NEGR1: variants seen among roughly 807,000 people sequenced by gnomAD.
The protein encoded by NEGR1 is neuronal growth regulator 1.
In NEGR1, 10 loss-of-function variants were observed where a neutral mutation model predicts 40.9. That is an observed-to-expected ratio of 0.24 (90% CI 0.15 to 0.42). NEGR1 has a LOEUF of 0.42. NEGR1 is among the 10% of genes least tolerant of loss of function. NEGR1 has a pLI of 1.00. For missense variants in NEGR1, 352 were observed against 438.9 expected (o/e 0.80, Z 1.77); for synonymous variants, 185 against 166.8 (o/e 1.11, Z -0.84).
chr1:72,134,720 A>T (rs148489843), intron 1 of NEGR1, among the ~76,000 whole-genome samples: 248 of 150,690 alleles, frequency 1.6e-3, no homozygotes, highest in East Asian at 5.4e-3. Context: ...AAAGATATTT[A>T]ATTTATTTAT....
chr1:72,118,653 G>T (rs1451565246), intron 1 of NEGR1, among the ~76,000 whole-genome samples: 1 of 151,782 alleles, frequency 6.6e-6, no homozygotes, highest in Non-Finnish European at 1.5e-5. Flanking sequence ...CCCAGAGTCT[G>T]ATTCTCTGGC....
In NEGR1 at chr1:71,943,064, G is replaced by A. The variant is rs59760054; in HGVS notation, c.177-7753C>T. ...TATATATGTGTATATATATGTGTGT[G>A]TATATATATGTGTATATATATACAC... On this transcript the variant is annotated intron_variant, in intron 1 of 6. Coordinates refer to ENST00000357731, the MANE Select transcript of NEGR1 (RefSeq NM_173808.3). Among the ~76,000 whole-genome samples, 13 of 128,012 alleles carry A rather than the reference G, an allele frequency of 1.0e-4. No individual in the cohort carries two copies. In the South Asian group the frequency reaches 1.2e-3, roughly 11 times the overall value. 84.0% of individuals were successfully genotyped at this position (128,012 alleles called of 152,430 possible).
At chr1:71,835,793 C>T (rs1180307673) in intron 2 of NEGR1, among the ~76,000 whole-genome samples, 1 of 152,032 alleles carries the variant, frequency 6.6e-6, no homozygotes. Context: ...AACTATGTGA[C>T]TTTGTGCTAG....
In NEGR1 at chr1:71,806,985, C is replaced by T. The variant is rs144601968; in HGVS notation, c.410-30688G>A. Among the ~76,000 whole-genome samples the T allele has an allele frequency of 2.4e-3, 365 of 151,372 alleles. 1 individual carries two copies. The highest frequency in any genetic ancestry group is 5.9e-3 in the African/African-American group (242 of 41,200). On this transcript the variant is annotated intron_variant, in intron 2 of 6. Coordinates refer to ENST00000357731, the MANE Select transcript of NEGR1 (RefSeq NM_173808.3). ...TCCGCTTACCGCAAGCTCCACCTTC[C>T]GGGTTCACACCATTCTCCTGCCTCA...
intron 1 of NEGR1, among the ~76,000 whole-genome samples, chr1:72,134,754 T>C (rs1350583819): frequency 6.6e-6 from 1 of 151,600 alleles, no homozygotes. Context: ...ATTTATTTTT[T>C]GAGATGGAGT....
At chr1:71,541,475 C>A (rs1647701506) in intron 6 of NEGR1, among the ~76,000 whole-genome samples, 1 of 151,714 alleles carries the variant, frequency 6.6e-6, no homozygotes, top group Non-Finnish European at 1.5e-5. Context: ...ATTGGCTTTA[C>A]ATTTTGGGGA....
At chr1:71,773,464 T>C (rs977088881) in intron 3 of NEGR1, among the ~76,000 whole-genome samples, 4 of 152,218 alleles carry the variant, frequency 2.6e-5, no homozygotes, top group Admixed American at 6.5e-5. Flanking sequence ...AAAATATTGA[T>C]ATTTCTTAGG....
chr1:72,173,822 C>T (rs1002068280), intron 1 of NEGR1, among the ~76,000 whole-genome samples: 1 of 151,950 alleles, frequency 6.6e-6, no homozygotes, highest in African/African-American at 2.4e-5. Flanking sequence ...AGGCACCTGT[C>T]ATCCCAGCTA....
intron 2 of NEGR1, among the ~76,000 whole-genome samples, chr1:71,905,779 C>T (rs1238249028): frequency 6.7e-6 from 1 of 149,818 alleles, no homozygotes; most frequent in Non-Finnish European, 1.5e-5. Context: ...AGAGGTTTAA[C>T]ACATTATTCC....
At chr1:72,139,228 C>T (rs1650580839) in intron 1 of NEGR1, among the ~76,000 whole-genome samples, 1 of 149,086 alleles carries the variant, frequency 6.7e-6, no homozygotes, top group South Asian at 2.1e-4. Context: ...ATGACTTCAA[C>T]CTCCCCCTTA....
At chr1:71,855,307 T>A (rs147642196) in intron 2 of NEGR1, among the ~76,000 whole-genome samples, 18 of 152,250 alleles carry the variant, frequency 1.2e-4, no homozygotes, top group African/African-American at 4.3e-4. Flanking sequence ...AACTTCATTT[T>A]TTTTCACCAG....
At chr1:71,822,077 A>G (rs1658449585) in intron 2 of NEGR1, among the ~76,000 whole-genome samples, 1 of 151,954 alleles carries the variant, frequency 6.6e-6, no homozygotes, top group Admixed American at 6.6e-5. Context: ...CTATAGACTT[A>G]TACTGTATGC....
At chr1:71,837,220 C>A (rs777271645) in intron 2 of NEGR1, among the ~76,000 whole-genome samples, 24 of 152,064 alleles carry the variant, frequency 1.6e-4, no homozygotes, top group Non-Finnish European at 1.3e-4. Context: ...GAAATTATGA[C>A]TATCATTTCC....
At chr1:72,154,150 T>A in intron 1 of NEGR1, among the ~76,000 whole-genome samples, 1 of 151,772 alleles carries the variant, frequency 6.6e-6, no homozygotes, top group East Asian at 1.9e-4. Context: ...GTGTTTACTT[T>A]TGGCAAGAGA....
At chr1:71,421,053 A>C (rs756429866) in intron 6 of NEGR1, among the ~76,000 whole-genome samples, 1 of 152,040 alleles carries the variant, frequency 6.6e-6, no homozygotes, top group Admixed American at 6.6e-5. Context: ...CTTTCTTCAC[A>C]TCTTTCATAA....
intron 2 of NEGR1, among the ~76,000 whole-genome samples, chr1:71,929,284 G>A (rs1344795593): frequency 1.3e-5 from 2 of 152,068 alleles, no homozygotes; most frequent in Non-Finnish European, 2.9e-5. Flanking sequence ...AAGTATGAAG[G>A]TGCATTCCTT....
At chr1:71,862,220 T>A (rs976198516) in intron 2 of NEGR1, among the ~76,000 whole-genome samples, 1 of 152,042 alleles carries the variant, frequency 6.6e-6, no homozygotes, top group East Asian at 1.9e-4. Context: ...GAAGACGAAA[T>A]TTGAACAAAA....
intron 1 of NEGR1, among the ~76,000 whole-genome samples, chr1:72,101,843 T>G (rs1648959378): frequency 6.6e-6 from 1 of 152,164 alleles, no homozygotes; most frequent in South Asian, 2.1e-4. Context: ...GAAGTCAAAT[T>G]AGAAATTGCT....
chr1:71,644,868 C>G (rs1322722403), intron 4 of NEGR1, among the ~76,000 whole-genome samples: 1 of 151,820 alleles, frequency 6.6e-6, no homozygotes, highest in Admixed American at 6.6e-5. Flanking sequence ...AATAACTTCC[C>G]CAGGCTACTA....
Sources: allele counts gnomAD v4.1 joint callset (sites outside exome capture counted in the v4.1 genomes callset), GRCh38; gene constraint gnomAD v4.1.1; transcripts MANE v1.5; gene names NCBI Gene and HGNC (gene_info 2026-07-23, HGNC 2026-07-21).